Variants in LRGUK observed in about 807,000 individuals in gnomAD.
LRGUK encodes the protein leucine-rich repeat and guanylate kinase domain-containing protein.
In LRGUK, 65 loss-of-function variants were observed where a neutral mutation model predicts 76.0. The observed-to-expected ratio is 0.85, with a 90% CI of 0.70 to 1.05. The LOEUF is 1.05. LRGUK is among the 50% of genes least tolerant of loss of function. The probability of loss-of-function intolerance (pLI) is 0.00; values close to 1 mark genes in which losing one functional copy is unlikely to be tolerated. For missense variants in LRGUK, 758 were observed against 732.8 expected, an observed-to-expected ratio of 1.03 and a Z score of -0.40; for synonymous variants, 268 against 265.6, an observed-to-expected ratio of 1.01 and a Z score of -0.09.
chr7:134,143,855 A>G (rs149127320), intron 4 of LRGUK, among the ~76,000 whole-genome samples: 121 of 152,148 alleles, frequency 8.0e-4, no homozygotes, highest in African/African-American at 2.8e-3. Context: ...GGGAATTCTG[A>G]CCCATTAGGT....
At chr7:134,246,424 C>T (rs1303145966) in intron 16 of LRGUK, among the ~76,000 whole-genome samples, 1 of 152,176 alleles carries the variant, frequency 6.6e-6, no homozygotes, top group Non-Finnish European at 1.5e-5. Flanking sequence ...AATGTTTTTA[C>T]AATCACATCA....
At chr7:134,256,587 G>A (rs1802590714) in intron 18 of LRGUK, among the ~76,000 whole-genome samples, 1 of 151,778 alleles carries the variant, frequency 6.6e-6, no homozygotes, top group Non-Finnish European at 1.5e-5. Context: ...AGTTGGAGAA[G>A]AGAAGCCTGT....
chr7:134,201,588 T>G lies in LRGUK; in HGVS notation c.1843+12T>G. The G allele has an allele frequency of 4.4e-6, 7 of 1,584,340 alleles. No individual in the cohort carries two copies. The highest frequency in any genetic ancestry group is 6.0e-6 in the Non-Finnish European group (7 of 1,163,752). On this transcript the variant is annotated intron_variant, in intron 15 of 15. Coordinates refer to ENST00000645682, the Ensembl canonical transcript of LRGUK. Reference sequence around the variant, plus strand: ...GGCTACAACTGCAGGTACTATTCTATCATTTTTGTGCCAGGATTTTTTTTT... The same window carrying G: ...GGCTACAACTGCAGGTACTATTCTAGCATTTTTGTGCCAGGATTTTTTTTT...
At chr7:134,128,741 A>G (rs1042863090) in intron 1 of LRGUK, among the ~76,000 whole-genome samples, 1 of 152,028 alleles carries the variant, frequency 6.6e-6, no homozygotes, top group Non-Finnish European at 1.5e-5. Context: ...AGTAGAGACG[A>G]GGTTTCACCG....
At position 134,158,023 on chromosome 7, in the gene LRGUK, C is replaced by T. The variant is rs1227315832; in HGVS notation, c.671-12C>T. The T allele has an allele frequency of 6.3e-7, 1 of 1,598,586 alleles. No individual in the cohort carries two copies. The highest frequency in any genetic ancestry group is 8.6e-7 in the Non-Finnish European group (1 of 1,168,828). On this transcript the variant is annotated splice_polypyrimidine_tract_variant and intron_variant, in intron 5 of 15. Coordinates refer to ENST00000645682, the Ensembl canonical transcript of LRGUK. ...TAATAACATTTTCCTTAAACGTAGTCATGGTGTATAGGCAATGAGATAGAA... is the reference window on the plus strand; with the variant it reads ...TAATAACATTTTCCTTAAACGTAGTTATGGTGTATAGGCAATGAGATAGAA...
chr7:134,160,602 A>G (rs1311777722), intron 6 of LRGUK, among the ~76,000 whole-genome samples: 2 of 152,208 alleles, frequency 1.3e-5, no homozygotes, highest in East Asian at 1.9e-4. Flanking sequence ...CCAACTGTTA[A>G]TTCTCGAATG....
At chr7:134,135,310 C>T (rs1797478420) in intron 1 of LRGUK, among the ~76,000 whole-genome samples, 1 of 152,140 alleles carries the variant, frequency 6.6e-6, no homozygotes, top group Non-Finnish European at 1.5e-5. Context: ...CTGGTCTCCT[C>T]CCCTGGGTGG....
intron 10 of LRGUK, among the ~76,000 whole-genome samples, chr7:134,179,327 T>G (rs1799638747): frequency 6.6e-6 from 1 of 152,226 alleles, no homozygotes; most frequent in Non-Finnish European, 1.5e-5. Flanking sequence ...ATGCAGAAAT[T>G]CTATCAATAC....
chr7:134,154,449 T>C (rs1798376657), intron 5 of LRGUK, among the ~76,000 whole-genome samples: 1 of 152,176 alleles, frequency 6.6e-6, no homozygotes, highest in Non-Finnish European at 1.5e-5. Flanking sequence ...CAGGCCTGCA[T>C]ATTGACTGTT....
At chr7:134,135,497 G>A (rs193091850) in intron 1 of LRGUK, among the ~76,000 whole-genome samples, 6 of 152,210 alleles carry the variant, frequency 3.9e-5, no homozygotes, top group Non-Finnish European at 4.4e-5. Context: ...TACCAACATG[G>A]CATATTTTAC....
At chr7:134,191,066 T>C (rs932060992) in intron 11 of LRGUK, among the ~76,000 whole-genome samples, 1 of 151,686 alleles carries the variant, frequency 6.6e-6, no homozygotes, top group Non-Finnish European at 1.5e-5. Context: ...ACAGTGTTGA[T>C]ATGGACCAAG....
intron 10 of LRGUK, among the ~76,000 whole-genome samples, chr7:134,183,019 G>T (rs1799820366): frequency 6.6e-6 from 1 of 152,208 alleles, no homozygotes; most frequent in African/African-American, 2.4e-5. Flanking sequence ...GCCTCCCAAA[G>T]TGCTGGGATT....
intron 5 of LRGUK, among the ~76,000 whole-genome samples, chr7:134,154,243 A>C (rs1489830615): frequency 6.6e-6 from 1 of 152,252 alleles, no homozygotes; most frequent in African/African-American, 2.4e-5. Context: ...TTAACCCAGT[A>C]AGCTAATTCA....
At chr7:134,189,554 C>T (rs1322152861) in intron 11 of LRGUK, among the ~76,000 whole-genome samples, 1 of 152,168 alleles carries the variant, frequency 6.6e-6, no homozygotes, top group Non-Finnish European at 1.5e-5. Context: ...CTTTATTTAC[C>T]TGCCTAGAAG....
At chr7:134,271,036 G>A in the LRGUK span, among the ~76,000 whole-genome samples, 3 of 151,928 alleles carry the variant, frequency 2.0e-5, no homozygotes, top group African/African-American at 7.2e-5. Context: ...GGTGTTAAGT[G>A]TTTAGTTTGA....
intron 9 of LRGUK, among the ~76,000 whole-genome samples, chr7:134,177,300 G>A (rs1396744357): frequency 6.6e-6 from 1 of 152,186 alleles, no homozygotes; most frequent in South Asian, 2.1e-4. Flanking sequence ...ACAGTGAAGA[G>A]GTTGGCTGTG....
At chr7:134,263,402 A>ACT (rs1554479212) in intron 19 of LRGUK, among the ~76,000 whole-genome samples, 1 of 67,946 alleles carries the variant, frequency 1.5e-5, no homozygotes, top group Non-Finnish European at 4.5e-5. Flanking sequence ...ACTTCACTTC[A>ACT]CTGTGTGTGT....
At chr7:134,207,367 T>A (rs552572793) in intron 15 of LRGUK, among the ~76,000 whole-genome samples, 1 of 152,230 alleles carries the variant, frequency 6.6e-6, no homozygotes, top group Non-Finnish European at 1.5e-5. Flanking sequence ...CTCTATGAGT[T>A]TGCCTACTCT....
exon 16 of LRGUK, chr7:134,208,830 A>G: frequency 2.5e-6 from 1 of 399,050 alleles, no homozygotes; most frequent in Non-Finnish European, 4.4e-6. Flanking sequence ...ATGCAAATTC[A>G]TGCCAAGGAC....
Sources: allele counts gnomAD v4.1 joint callset (sites outside exome capture counted in the v4.1 genomes callset), GRCh38; gene constraint gnomAD v4.1.1; transcripts MANE v1.5; gene names NCBI Gene and HGNC (gene_info 2026-07-23, HGNC 2026-07-21).